SLC4A1AP: variants seen among roughly 807,000 people sequenced by gnomAD.
The protein encoded by SLC4A1AP is solute carrier family 4 member 1 adaptor protein.
SLC4A1AP carries 64 observed loss-of-function variants against 89.7 expected under a neutral mutation model. The observed-to-expected ratio is 0.71, with a 90% CI of 0.58 to 0.88. The LOEUF (loss-of-function observed/expected upper bound fraction) is 0.88. Ranked by LOEUF, SLC4A1AP falls within the 40% of genes least tolerant of loss-of-function variation. SLC4A1AP has a pLI of 0.00. For synonymous variants in SLC4A1AP, 366 were observed against 353.3 expected (o/e 1.04, Z -0.40); for missense variants, 931 against 965.0 (o/e 0.96, Z 0.47).
chr2:27,682,131 A>C, intron 8 of SLC4A1AP, 117 bp from the exon 9 acceptor site: 1 of 642,152 alleles, frequency 1.6e-6, no homozygotes, highest in Middle Eastern at 3.8e-4. Context: ...ATGCTTAGAT[A>C]TTCATTTTGT....
intron 9 of SLC4A1AP, among the ~76,000 whole-genome samples, chr2:27,683,727 A>G (rs1675658084): frequency 6.6e-6 from 1 of 152,002 alleles, no homozygotes; most frequent in Non-Finnish European, 1.5e-5. Context: ...CTGAAGTCCT[A>G]GCTATGTATT....
intron 6 of SLC4A1AP, 94 bp from the exon 7 acceptor site, chr2:27,677,201 C>A: frequency 1.2e-6 from 1 of 855,160 alleles, no homozygotes; most frequent in Non-Finnish European, 1.9e-6. Flanking sequence ...AATTAATCTT[C>A]TTAAAACTTC....
chr2:27,664,280 T>A (rs1204732998), exon 1 of SLC4A1AP: 20 of 1,614,080 alleles, frequency 1.2e-5, no homozygotes, highest in Non-Finnish European at 1.7e-5. Flanking sequence ...AGGGCGGCAC[T>A]ATCCTTGGCA....
intron 8 of SLC4A1AP, among the ~76,000 whole-genome samples, chr2:27,680,478 C>A (rs1053486960): frequency 1.3e-5 from 2 of 152,086 alleles, no homozygotes; most frequent in Non-Finnish European, 2.9e-5. Flanking sequence ...AATTTTGTTA[C>A]AGTAAAACTA....
chr2:27,687,979 A>C (rs1675730680), exon 11 of SLC4A1AP: 1 of 1,613,908 alleles, frequency 6.2e-7, no homozygotes, highest in South Asian at 1.1e-5. Flanking sequence ...AAAGATTATC[A>C]AGACTGTAGC....
At chr2:27,694,297 A>G (rs1173178237) in intron 13 of SLC4A1AP, among the ~76,000 whole-genome samples, 4 of 152,180 alleles carry the variant, frequency 2.6e-5, no homozygotes, top group Admixed American at 1.3e-4. Context: ...ATTGCATTCT[A>G]TAGAGATTGT....
intron 11 of SLC4A1AP, among the ~76,000 whole-genome samples, 170 bp from the exon 12 acceptor site, chr2:27,688,530 A>G (rs966390200): frequency 6.6e-6 from 1 of 152,220 alleles, no homozygotes; most frequent in Non-Finnish European, 1.5e-5. Flanking sequence ...TTCATCCAGG[A>G]AAAATTTTCT....
intron 8 of SLC4A1AP, among the ~76,000 whole-genome samples, chr2:27,679,171 C>T (rs546803912): frequency 6.6e-6 from 1 of 152,326 alleles, no homozygotes; most frequent in South Asian, 2.1e-4. Flanking sequence ...ATCCTGATTA[C>T]AAATGCACAT....
intron 5 of SLC4A1AP, among the ~76,000 whole-genome samples, chr2:27,670,555 T>G (rs1675406428): frequency 6.6e-6 from 1 of 152,050 alleles, no homozygotes; most frequent in Non-Finnish European, 1.5e-5. Flanking sequence ...TTCTGGCATT[T>G]AAAAACACCT....
chr2:27,676,606 G>T (rs1675527004), intron 6 of SLC4A1AP, among the ~76,000 whole-genome samples: 1 of 151,916 alleles, frequency 6.6e-6, no homozygotes, highest in Non-Finnish European at 1.5e-5. Flanking sequence ...TGGATCACCT[G>T]AGGTCAGGAG....
chr2:27,668,298 G>A (rs1456035757), intron 3 of SLC4A1AP, among the ~76,000 whole-genome samples: 1 of 151,972 alleles, frequency 6.6e-6, no homozygotes, highest in African/African-American at 2.4e-5. Context: ...ACAGGCGCCC[G>A]CCACCACGCC....
rs768911985 is a variant in SLC4A1AP at position 27,664,206 on chromosome 2, C to A, written c.454C>A (p.Pro152Thr). 1.9e-6 allele frequency: 3 copies of A among 1,614,072 alleles called. No individual in the cohort carries two copies. The South Asian group carries it at 3.3e-5, about 18-fold the overall frequency. The change falls in exon 1 of 14, where the codon CCC becomes ACC. Residue 152 changes from proline to threonine, a missense_variant. Transcript: ENST00000613058. ...TTCCCCTGGCGGTCCAGCCCGGGCT[C>A]CCCCCTACCAAGAGCCTCCATGGGG...
chr2:27,669,335 A>T lies in SLC4A1AP; in HGVS notation c.1293A>T (p.Ser431=), dbSNP rs367622650. 4 of 1,613,438 alleles carry T rather than the reference A, an allele frequency of 2.5e-6. No homozygotes were observed. In the African/African-American group the frequency reaches 4.0e-5, roughly 16 times the overall value. Residue 431 remains serine (S), a synonymous_variant, in exon 5 of 14, where the codon TCA becomes TCT. Transcript: ENST00000613058. Reference sequence around the variant, plus strand: ...AAAAAGAAGCAATGATCCAGTGCTCATTGGAAGCTTGTCGGATTCTTGACA... The same window carrying T: ...AAAAAGAAGCAATGATCCAGTGCTCTTTGGAAGCTTGTCGGATTCTTGACA...
intron 5 of SLC4A1AP, among the ~76,000 whole-genome samples, chr2:27,673,166 GGATTCTGCAGT>G (rs1196647620): frequency 6.6e-6 from 1 of 152,060 alleles, no homozygotes; most frequent in Non-Finnish European, 1.5e-5. Flanking sequence ...ATCCGTTTGA[GGATTCTGCAGT>G]GTAATCACTT....
intron 5 of SLC4A1AP, among the ~76,000 whole-genome samples, chr2:27,675,126 A>G (rs551748264): frequency 6.6e-6 from 1 of 152,376 alleles, no homozygotes; most frequent in Admixed American, 6.5e-5. Context: ...TTTTAAGAGT[A>G]TCACTCAGTG....
At chr2:27,687,188 T>C (rs919860131) in intron 10 of SLC4A1AP, among the ~76,000 whole-genome samples, 1 of 152,170 alleles carries the variant, frequency 6.6e-6, no homozygotes, top group African/African-American at 2.4e-5. Flanking sequence ...AGAAGGAGCA[T>C]AGTGGTTCAT....
At chr2:27,677,829 A>G (rs747496826) in exon 8 of SLC4A1AP, 70 of 1,613,770 alleles carry the variant, frequency 4.3e-5, no homozygotes, top group Non-Finnish European at 5.8e-5. Context: ...CCCGGAAGAA[A>G]CTTCACCTGA....
chr2:27,668,705 C>G (rs772319907), intron 3 of SLC4A1AP, 138 bp from the exon 4 acceptor site: 5 of 810,604 alleles, frequency 6.2e-6, no homozygotes, highest in South Asian at 4.1e-5. Context: ...CCGCCTCAGC[C>G]TCCCAAAGTG....
At chr2:27,678,382 C>T (rs960874836) in intron 8 of SLC4A1AP, among the ~76,000 whole-genome samples, 3 of 151,884 alleles carry the variant, frequency 2.0e-5, no homozygotes, top group African/African-American at 7.3e-5. Flanking sequence ...AAAATAAAAA[C>T]ATCAGCCAGC....
Sources: allele counts gnomAD v4.1 joint callset (sites outside exome capture counted in the v4.1 genomes callset), GRCh38; gene constraint gnomAD v4.1.1; transcripts MANE v1.5; gene names NCBI Gene and HGNC (gene_info 2026-07-23, HGNC 2026-07-21).